CUX1: variants seen among roughly 807,000 people sequenced by gnomAD.
CUX1 encodes cut like homeobox 1.
CUX1 carries 31 observed loss-of-function variants against 158.8 expected under a neutral mutation model. That is an observed-to-expected ratio of 0.20 (90% confidence interval 0.15 to 0.26). The LOEUF (loss-of-function observed/expected upper bound fraction) is 0.26, where lower values mean the gene tolerates loss of function less well. Among genes scored for constraint, CUX1 ranks in the 10% least tolerant of loss-of-function variants. CUX1 has a pLI of 1.00. For missense variants in CUX1, 1,589 were observed against 2,014.6 expected (o/e 0.79, Z 4.04); for synonymous variants, 879 against 862.1 (o/e 1.02, Z -0.34).
At position 102,250,267 on chromosome 7, in the gene CUX1, G is replaced by A; in HGVS notation, c.*1225G>A. On this transcript the variant is annotated 3_prime_UTR_variant, in exon 24 of 24. Transcript: ENST00000292535. Reference sequence around the variant, plus strand: ...CGTGTGCAAGCATTGAAAGAAAGGAGAGAGTAGTCCGGGCGAGCACAGCAG... The same window carrying A: ...CGTGTGCAAGCATTGAAAGAAAGGAAAGAGTAGTCCGGGCGAGCACAGCAG... The A allele has an allele frequency of 1.4e-5, 14 of 985,326 alleles. No individual in the cohort carries two copies. The highest frequency in any genetic ancestry group is 1.7e-5 in the Non-Finnish European group (14 of 829,964). The allele number at this position is 985,326 out of a possible 1,614,324, so 61.0% of individuals were successfully genotyped here. A position where few individuals can be genotyped will look rare whatever the true frequency, so the allele number is the denominator to read the frequency against.
intron 7 of CUX1, 108 bp downstream of exon 7, chr7:102,111,882 G>A (rs577224075): frequency 1.4e-4 from 127 of 940,408 alleles, no homozygotes; most frequent in Non-Finnish European, 2.7e-5. Context: ...GCTCTTCGGG[G>A]CCGTGGGAGC....
chr7:101,918,796 C>T (rs971863254), intron 2 of CUX1, among the ~76,000 whole-genome samples: 14 of 152,126 alleles, frequency 9.2e-5, no homozygotes, highest in Admixed American at 7.9e-4. Flanking sequence ...CAGAGTCTTG[C>T]CCTCAGGTTG....
intron 1 of CUX1, among the ~76,000 whole-genome samples, chr7:101,821,671 CTTTTTTTTTTTTTTTTT>C (rs58793343): frequency 1.9e-5 from 1 of 51,302 alleles, no homozygotes; most frequent in Non-Finnish European, 3.3e-5. Flanking sequence ...TTTCTTTTTT[CTTTTTTTTTTTTTTTTT>C]TTTTTTTTTG....
intron 20 of CUX1, among the ~76,000 whole-genome samples, chr7:102,219,339 C>T (rs1189792671): frequency 3.9e-5 from 6 of 152,102 alleles, no homozygotes; most frequent in Admixed American, 3.3e-4. Flanking sequence ...CCTCTAGTTC[C>T]TCTGAGGCAT....
intron 4 of CUX1, among the ~76,000 whole-genome samples, chr7:102,092,143 GT>G (rs1447566952): frequency 1.3e-5 from 2 of 152,202 alleles, no homozygotes; most frequent in Admixed American, 6.5e-5. Context: ...CTAGCATTTA[GT>G]TTGCTTCTTT....
intron 8 of CUX1, among the ~76,000 whole-genome samples, chr7:102,155,716 C>A (rs1172230859): frequency 6.6e-6 from 1 of 152,084 alleles, no homozygotes; most frequent in Non-Finnish European, 1.5e-5. Flanking sequence ...GTTTTAAGAC[C>A]CTTAACACTT....
At chr7:101,985,146 C>G (rs1814116117) in intron 2 of CUX1, among the ~76,000 whole-genome samples, 1 of 152,124 alleles carries the variant, frequency 6.6e-6, no homozygotes, top group African/African-American at 2.4e-5. Flanking sequence ...ATAATTTGCC[C>G]TCTGAGGATT....
In CUX1 at chr7:102,119,241, C is replaced by T. The variant is rs377471114; in HGVS notation, c.674+3968C>T. Reference sequence around the variant, plus strand: ...ACCGCATCACCACGACGGACTGGGCCCACATTGTCTGTCTGTCGTGGGGAG... The same window carrying T: ...ACCGCATCACCACGACGGACTGGGCTCACATTGTCTGTCTGTCGTGGGGAG... On this transcript the variant is annotated intron_variant, in intron 8 of 23. Transcript: ENST00000292535. 3.3e-5 allele frequency among the ~76,000 whole-genome samples: 5 copies of T among 151,902 alleles called. No homozygotes were observed. The East Asian group carries it at 7.7e-4, about 23-fold the overall frequency.
At chr7:102,246,235 AG>A (rs1554536851) in intron 23 of CUX1, among the ~76,000 whole-genome samples, 1 of 152,154 alleles carries the variant, frequency 6.6e-6, no homozygotes, top group Non-Finnish European at 1.5e-5. Flanking sequence ...CTCACTGCCA[AG>A]GAACTTGAAA....
intron 4 of CUX1, among the ~76,000 whole-genome samples, chr7:102,091,031 C>T (rs1345267122): frequency 6.6e-6 from 1 of 152,158 alleles, no homozygotes; most frequent in East Asian, 1.9e-4. Context: ...ACACTACACT[C>T]CCTCTTGTGT....
At chr7:101,971,471 G>A (rs1287979651) in intron 2 of CUX1, among the ~76,000 whole-genome samples, 1 of 152,156 alleles carries the variant, frequency 6.6e-6, no homozygotes, top group African/African-American at 2.4e-5. Flanking sequence ...AACATAGGGA[G>A]ACCCAATCTC....
In CUX1 at chr7:102,246,426, G is replaced by T. The variant is rs143528655; in HGVS notation, c.3888-1986G>T. On this transcript the variant is annotated intron_variant, in intron 23 of 23. Coordinates refer to ENST00000292535, the MANE Select transcript of CUX1 (RefSeq NM_181552.4). ...CAAGGTTCAGAGCTCACTGCACGCA[G>T]GAATCAAATAACTCCATAGCAGATT... Among the ~76,000 whole-genome samples the T allele has an allele frequency of 1.1e-3, 169 of 152,224 alleles. 3 individuals carry two copies. The East Asian group carries it at 0.024, about 21-fold the overall frequency.
At chr7:102,232,263 T>C (rs1296048239) in intron 21 of CUX1, among the ~76,000 whole-genome samples, 1 of 152,160 alleles carries the variant, frequency 6.6e-6, no homozygotes, top group East Asian at 1.9e-4. Context: ...GAACAATTGC[T>C]TGAGCCCAGG....
intron 4 of CUX1, among the ~76,000 whole-genome samples, chr7:102,089,838 A>G (rs1828342708): frequency 6.6e-6 from 1 of 152,216 alleles, no homozygotes; most frequent in Non-Finnish European, 1.5e-5. Context: ...ATGGACAGGG[A>G]GACCATCACA....
chr7:102,202,096 G>A lies in CUX1; in HGVS notation c.2799G>A (p.Glu933=), dbSNP rs200406984. 6.2e-7 allele frequency: 1 copy of A among 1,614,122 alleles called. No individual in the cohort carries two copies. The highest frequency in any genetic ancestry group is 1.3e-5 in the African/African-American group (1 of 75,032). Residue 933 remains glutamate (E), a synonymous_variant, in exon 18 of 24, where the codon GAG becomes GAA. Transcript: ENST00000292535. ...TKPSVPPLTP[E]QYEVYMYQEV... ...CCTCGGTCCCCCCGCTGACCCCCGAGCAGTACGAGGTCTACATGTACCAGG... is the reference window on the plus strand; with the variant it reads ...CCTCGGTCCCCCCGCTGACCCCCGAACAGTACGAGGTCTACATGTACCAGG...
chr7:101,880,329 CAA>C (rs1799584250), intron 1 of CUX1, among the ~76,000 whole-genome samples: 1 of 152,184 alleles, frequency 6.6e-6, no homozygotes, highest in Non-Finnish European at 1.5e-5. Context: ...GCCTTTGGAA[CAA>C]TGGCTCACAA....
chr7:101,849,843 T>C (rs1796084536), intron 1 of CUX1, among the ~76,000 whole-genome samples: 1 of 152,106 alleles, frequency 6.6e-6, no homozygotes, highest in African/African-American at 2.4e-5. Flanking sequence ...TGCCAGCATC[T>C]GTTACTTTTT....
At chr7:101,987,110 C>T (rs888084665) in intron 2 of CUX1, among the ~76,000 whole-genome samples, 5 of 152,164 alleles carry the variant, frequency 3.3e-5, no homozygotes. Context: ...TGACCTCGTC[C>T]GTCTTGGAAT....
chr7:102,046,899 C>T (rs991326033), intron 3 of CUX1, among the ~76,000 whole-genome samples: 2 of 152,110 alleles, frequency 1.3e-5, no homozygotes, highest in African/African-American at 4.8e-5. Flanking sequence ...TTCTTGACAG[C>T]TTGCGAAGTG....
Sources: gnomAD v4.1 joint callset for allele counts (sites outside exome capture counted in the v4.1 genomes callset) on GRCh38, gnomAD v4.1.1 for gene constraint, MANE v1.5 for transcripts, NCBI Gene and HGNC (gene_info 2026-07-23, HGNC 2026-07-21) for gene names.